Variants in DYNC1I2 observed in about 807,000 individuals in gnomAD.
The protein encoded by DYNC1I2 is cytoplasmic dynein 1 intermediate chain 2.
DYNC1I2 carries 53 observed loss-of-function variants against 88.6 expected under a neutral mutation model. The observed-to-expected ratio is 0.60, with a 90% CI of 0.48 to 0.75. The LOEUF (loss-of-function observed/expected upper bound fraction) is 0.75. DYNC1I2 is among the 30% of genes least tolerant of loss of function. The pLI is 0.00. For synonymous variants in DYNC1I2, 198 were observed against 254.6 expected, an observed-to-expected ratio of 0.78 and a Z score of 2.12; for missense variants, 458 against 766.6, an observed-to-expected ratio of 0.60 and a Z score of 4.75.
chr2:171,748,006 A>G lies in DYNC1I2; in HGVS notation c.*117A>G. The G allele has an allele frequency of 1.6e-6, 1 of 630,226 alleles. No homozygotes were observed. Among genetic ancestry groups the G allele is most frequent in the South Asian group, 2.7e-5 (1 of 37,154 alleles). 39.0% of individuals were successfully genotyped at this position (630,226 alleles called of 1,614,324 possible). A position where few individuals can be genotyped will look rare whatever the true frequency, so the allele number is the denominator to read the frequency against. On this transcript the variant is annotated 3_prime_UTR_variant, in exon 18 of 18. Transcript: ENST00000397119. ...AAAAGGAAATTTCATGGATTAAACC[A>G]TGGGTTTAATGCAGCAAGGAAACTT...
At position 171,706,664 on chromosome 2, in the gene DYNC1I2, T is replaced by G. The variant is rs780449777; in HGVS notation, c.244+100T>G. On this transcript the variant is annotated intron_variant, in intron 4 of 17. Coordinates refer to ENST00000397119, the MANE Select transcript of DYNC1I2 (RefSeq NM_001378.3). ...CATGCTGTTTTATTGCCTGTTTGCA[T>G]TTTTCACCCAAATTGCTGGAAACTA... 1,018 of 1,087,108 alleles carry G rather than the reference T, an allele frequency of 9.4e-4. 1 individual carries two copies. The highest frequency in any genetic ancestry group is 1.3e-3 in the Non-Finnish European group (935 of 727,790). The allele number at this position is 1,087,108 out of a possible 1,614,324, so 67.3% of individuals were successfully genotyped here.
intron 7 of DYNC1I2, among the ~76,000 whole-genome samples, chr2:171,724,739 G>A (rs986347590): frequency 2.0e-5 from 3 of 152,132 alleles, no homozygotes; most frequent in African/African-American, 7.2e-5. Flanking sequence ...GACAAATAAC[G>A]CATGTGTTTA....
intron 15 of DYNC1I2, among the ~76,000 whole-genome samples, chr2:171,732,581 AATG>A (rs1339836884): frequency 6.6e-6 from 1 of 152,158 alleles, no homozygotes; most frequent in Non-Finnish European, 1.5e-5. Flanking sequence ...AGAACCTATA[AATG>A]ATGTTAAGTG....
intron 16 of DYNC1I2, 134 bp downstream of exon 16, chr2:171,744,323 A>AT (rs1342325363): frequency 2.1e-6 from 2 of 970,212 alleles, no homozygotes; most frequent in Admixed American, 3.1e-5. Context: ...AAGAACTCAA[A>AT]TAAGCTTTGT....
At chr2:171,733,491 C>CTTTTTTTTTTTTATTTTTTTTTTTT (rs1574616066) in intron 15 of DYNC1I2, among the ~76,000 whole-genome samples, 1 of 46,732 alleles carries the variant, frequency 2.1e-5, no homozygotes, top group Non-Finnish European at 4.2e-5. Context: ...TTTTTTTTTG[C>CTTTTTTTTTTTTATTTTTTTTTTTT]TTTTTAATAA....
chr2:171,745,868 G>T lies in DYNC1I2; in HGVS notation c.1744G>T (p.Gly582Cys). The T allele has an allele frequency of 6.2e-7, 1 of 1,613,862 alleles. No individual in the cohort carries two copies. Among genetic ancestry groups the T allele is most frequent in the Non-Finnish European group, 8.5e-7 (1 of 1,179,798 alleles). The change falls in exon 17 of 18, where the codon GGC becomes TGC. Residue 582 changes from glycine (G) to cysteine (C), a missense_variant. Transcript: ENST00000397119. Reference protein sequence around the residue: ...ALNRVRWTHSGREIAVGDSEG... With the variant: ...ALNRVRWTHSCREIAVGDSEG... ...TAATCGTGTGAGATGGACCCATTCT[G>T]GCAGAGAGATTGCTGTGGGTGATTC...
At position 171,695,814 on chromosome 2, in the gene DYNC1I2, G is replaced by A. The variant is rs574012382; in HGVS notation, c.226+2920G>A. Among the ~76,000 whole-genome samples, 13 of 147,138 alleles carry A rather than the reference G, an allele frequency of 8.8e-5. No homozygotes were observed. In the East Asian group the frequency reaches 9.8e-4, roughly 11 times the overall value. Reference sequence around the variant, plus strand: ...GAATGGCTACAAAGTTTACCCGCCCGCTACCAGTGCATGAAAAAGTAACTG... The same window carrying A: ...GAATGGCTACAAAGTTTACCCGCCCACTACCAGTGCATGAAAAAGTAACTG... On this transcript the variant is annotated intron_variant, in intron 3 of 17. Coordinates refer to ENST00000397119, the MANE Select transcript of DYNC1I2 (RefSeq NM_001378.3).
chr2:171,688,041 C>T (rs1305010024), intron 1 of DYNC1I2: 1 of 152,306 alleles, frequency 6.6e-6, no homozygotes, highest in Non-Finnish European at 1.5e-5. Context: ...GAGGAGTCCA[C>T]TCCTTTCCCT....
At chr2:171,710,463 T>C (rs1192236811) in intron 5 of DYNC1I2, among the ~76,000 whole-genome samples, 1 of 152,114 alleles carries the variant, frequency 6.6e-6, no homozygotes, top group Non-Finnish European at 1.5e-5. Flanking sequence ...ATTAATACAC[T>C]CAGGGAGTAG....
At chr2:171,702,100 A>G (rs568972779) in intron 3 of DYNC1I2, among the ~76,000 whole-genome samples, 14 of 152,374 alleles carry the variant, frequency 9.2e-5, no homozygotes, top group African/African-American at 3.4e-4. Context: ...TGTGTTTATC[A>G]AAGCAGCATG....
intron 6 of DYNC1I2, among the ~76,000 whole-genome samples, chr2:171,715,045 C>T (rs1687391461): frequency 6.6e-6 from 1 of 152,144 alleles, no homozygotes; most frequent in African/African-American, 2.4e-5. Flanking sequence ...AGTTCCTATT[C>T]TCTTACTTCA....
At chr2:171,700,543 G>C (rs1220115151) in intron 3 of DYNC1I2, among the ~76,000 whole-genome samples, 1 of 152,198 alleles carries the variant, frequency 6.6e-6, no homozygotes, top group Non-Finnish European at 1.5e-5. Flanking sequence ...TCTTAGATGG[G>C]TCACTAAACC....
chr2:171,698,441 G>A (rs932084169), intron 3 of DYNC1I2, among the ~76,000 whole-genome samples: 1 of 152,066 alleles, frequency 6.6e-6, no homozygotes, highest in African/African-American at 2.4e-5. Context: ...TTGGAATGCA[G>A]TGGTGCGATT....
chr2:171,741,861 C>T lies in DYNC1I2; in HGVS notation c.1537-2188C>T, dbSNP rs1689449867. On this transcript the variant is annotated intron_variant, in intron 15 of 17. Transcript: ENST00000397119. ...CTTTGGGAGGCCGAGGTGGGTGGAT[C>T]ACCTGAGGTCAGGAGTTCAAGATCA... is the stretch of plus-strand genomic sequence containing the variant. 2.6e-5 allele frequency among the ~76,000 whole-genome samples: 4 copies of T among 152,148 alleles called. No homozygotes were observed. In the South Asian group the frequency reaches 8.3e-4, roughly 32 times the overall value.
At chr2:171,696,442 T>C (rs1156237366) in intron 3 of DYNC1I2, among the ~76,000 whole-genome samples, 1 of 152,202 alleles carries the variant, frequency 6.6e-6, no homozygotes, top group Non-Finnish European at 1.5e-5. Context: ...CCCAAACATT[T>C]TGGGTAAGGG....
intron 16 of DYNC1I2, among the ~76,000 whole-genome samples, chr2:171,745,058 G>T (rs1689691097): frequency 6.6e-6 from 1 of 152,112 alleles, no homozygotes; most frequent in Admixed American, 6.5e-5. Flanking sequence ...TGTGTATGGG[G>T]TTAAATTATT....
intron 6 of DYNC1I2, among the ~76,000 whole-genome samples, chr2:171,713,130 G>A (rs1687244976): frequency 6.6e-6 from 1 of 151,976 alleles, no homozygotes. Flanking sequence ...ACATGTAATT[G>A]AACCTTTTCA....
chr2:171,720,262 A>C (rs776422513), intron 7 of DYNC1I2, among the ~76,000 whole-genome samples: 11 of 152,118 alleles, frequency 7.2e-5, no homozygotes, highest in Non-Finnish European at 1.3e-4. Flanking sequence ...TTATCTGTGA[A>C]GGAGTTTATA....
rs539634386 is a variant in DYNC1I2, at chr2:171,727,873, G to T, written c.1049G>T (p.Gly350Val). 1 of 1,612,866 alleles carries T rather than the reference G, an allele frequency of 6.2e-7. No individual in the cohort carries two copies. Among genetic ancestry groups the T allele is most frequent in the African/African-American group, 1.3e-5 (1 of 74,966 alleles). ...AAATTTCATCCAAATCTTGTTGTTG[G>T]TGGTACATATTCAGGCCAAATTGTG... ...FAKFHPNLVVGGTYSGQIVLW... is the reference protein window; with the variant it reads ...FAKFHPNLVVVGTYSGQIVLW... Residue 350 changes from glycine to valine, a missense_variant, in exon 12 of 18, where the codon GGT (glycine) becomes GTT (valine). Gly to Val is a moderately radical substitution (Grantham distance 109). Around this residue, in one of 5 missense-constraint regions of DYNC1I2, gnomAD observed 203 missense variants for 354.2 expected, o/e 0.57. Transcript: ENST00000397119.
Sources: gnomAD v4.1 joint callset for allele counts (sites outside exome capture counted in the v4.1 genomes callset) on GRCh38, gnomAD v4.1.1 for gene constraint, gnomAD v4.1.1 regional missense constraint, MANE v1.5 for transcripts, NCBI Gene and HGNC (gene_info 2026-07-23, HGNC 2026-07-21) for gene names.